SPATA17: variants seen among roughly 807,000 people sequenced by gnomAD.
SPATA17 encodes the protein spermatogenesis-associated protein 17.
SPATA17 carries 53 observed loss-of-function variants against 62.2 expected under a neutral mutation model. The observed-to-expected ratio is 0.85, with a 90% CI of 0.68 to 1.07. The LOEUF is 1.07. Among genes scored for constraint, SPATA17 ranks in the 50% least tolerant of loss-of-function variants. The pLI, the probability that SPATA17 is intolerant of heterozygous loss-of-function variation, is 0.00. For synonymous variants in SPATA17, 146 were observed against 146.8 expected, an observed-to-expected ratio of 0.99 and a Z score of 0.04; for missense variants, 466 against 425.5, an observed-to-expected ratio of 1.10 and a Z score of -0.84.
intron 9 of SPATA17, among the ~76,000 whole-genome samples, chr1:217,846,149 A>G (rs1300482055): frequency 6.6e-6 from 1 of 152,106 alleles, no homozygotes; most frequent in Non-Finnish European, 1.5e-5. Context: ...TACCATTAAT[A>G]TCCAAGCTCT....
chr1:217,669,129 C>G (rs768866070), intron 4 of SPATA17, 46 bp downstream of exon 4: 15 of 1,535,472 alleles, frequency 9.8e-6, no homozygotes, highest in African/African-American at 1.4e-5. Flanking sequence ...TCAATTGTGC[C>G]CTGAATTCGC....
intron 5 of SPATA17, among the ~76,000 whole-genome samples, chr1:217,690,529 T>C (rs1400171661): frequency 3.4e-5 from 5 of 146,796 alleles, no homozygotes; most frequent in Non-Finnish European, 7.5e-5. Flanking sequence ...AGGGTACATG[T>C]GCACATTGTG....
chr1:217,853,922 C>A (rs1675719223), intron 9 of SPATA17, among the ~76,000 whole-genome samples: 1 of 152,132 alleles, frequency 6.6e-6, no homozygotes, highest in Non-Finnish European at 1.5e-5. Flanking sequence ...AGAAAAACTT[C>A]AGCCAAATTA....
intron 4 of SPATA17, among the ~76,000 whole-genome samples, chr1:217,674,922 A>G (rs1670913842): frequency 6.6e-6 from 1 of 152,144 alleles, no homozygotes; most frequent in African/African-American, 2.4e-5. Context: ...GTAGTATTGG[A>G]AAAGGCAATA....
chr1:217,662,486 A>C (rs553914937), intron 3 of SPATA17, among the ~76,000 whole-genome samples: 3 of 152,164 alleles, frequency 2.0e-5, no homozygotes, highest in Non-Finnish European at 4.4e-5. Context: ...TATTCAAATT[A>C]TAAAAATAAC....
intron 7 of SPATA17, 136 bp from the exon 8 acceptor site, chr1:217,782,038 C>T (rs1376857845): frequency 9.0e-6 from 7 of 774,784 alleles, no homozygotes; most frequent in Non-Finnish European, 1.1e-5. Context: ...TATTCTAACT[C>T]AGCGAAGAAC....
chr1:217,858,872 A>G (rs1675836703), intron 9 of SPATA17, among the ~76,000 whole-genome samples: 1 of 151,752 alleles, frequency 6.6e-6, no homozygotes, highest in Non-Finnish European at 1.5e-5. Flanking sequence ...TACTAAAAAT[A>G]CAAAAATTAG....
chr1:217,797,268 G>C (rs1197074574), intron 8 of SPATA17, among the ~76,000 whole-genome samples: 3 of 82,612 alleles, frequency 3.6e-5, no homozygotes, highest in Non-Finnish European at 4.9e-5. Flanking sequence ...TTTTTTTTTT[G>C]AGATGGAGTC....
chr1:217,639,838 T>C (rs966784619), intron 1 of SPATA17, among the ~76,000 whole-genome samples: 13 of 152,116 alleles, frequency 8.5e-5, no homozygotes, highest in African/African-American at 2.9e-4. Context: ...CCCACATGTA[T>C]GGTCTCTCAA....
intron 3 of SPATA17, among the ~76,000 whole-genome samples, chr1:217,662,682 A>T (rs1670596534): frequency 6.6e-6 from 1 of 152,144 alleles, no homozygotes; most frequent in African/African-American, 2.4e-5. Context: ...AAAAGCCAAC[A>T]ATTTGATCTT....
rs981566143 is a variant in SPATA17, at chr1:217,703,057, G to T, written c.395+19696G>T. Among the ~76,000 whole-genome samples, 4 of 151,706 alleles carry T rather than the reference G, an allele frequency of 2.6e-5. No homozygotes were observed. The South Asian group carries it at 8.3e-4, about 32-fold the overall frequency. Reference sequence around the variant, plus strand: ...TATCTGGCTAATTTTTGTATTTTTAGTAGAAACGGGGCTTCACCATGTTGG... The same window carrying T: ...TATCTGGCTAATTTTTGTATTTTTATTAGAAACGGGGCTTCACCATGTTGG... On this transcript the variant is annotated intron_variant, in intron 5 of 10. Coordinates refer to ENST00000366933, the MANE Select transcript of SPATA17 (RefSeq NM_138796.4).
In SPATA17 at chr1:217,745,960, C is replaced by A. The variant is rs564117533; in HGVS notation, c.519+3862C>A. Reference sequence around the variant, plus strand: ...GAGAACAAAAGACACACATTTCAATCTGAGTGTTGTTAGTAATTTTTACAG... The same window carrying A: ...GAGAACAAAAGACACACATTTCAATATGAGTGTTGTTAGTAATTTTTACAG... On this transcript the variant is annotated intron_variant, in intron 6 of 10. Transcript: ENST00000366933. Among the ~76,000 whole-genome samples, 35 of 152,144 alleles carry A rather than the reference C, an allele frequency of 2.3e-4. 1 individual carries two copies. The East Asian group carries it at 5.4e-3, about 23-fold the overall frequency.
intron 3 of SPATA17, among the ~76,000 whole-genome samples, chr1:217,654,815 C>A (rs1223208320): frequency 2.7e-5 from 4 of 150,900 alleles, no homozygotes; most frequent in African/African-American, 9.8e-5. Flanking sequence ...CGGGTTCAAG[C>A]GATTCTCCTG....
intron 1 of SPATA17, among the ~76,000 whole-genome samples, chr1:217,638,784 A>G (rs1669994219): frequency 6.6e-6 from 1 of 152,174 alleles, no homozygotes; most frequent in African/African-American, 2.4e-5. Flanking sequence ...ACTAGAGGAA[A>G]AAAATACTGT....
At chr1:217,841,550 C>T (rs1196131906) in intron 9 of SPATA17, among the ~76,000 whole-genome samples, 1 of 151,908 alleles carries the variant, frequency 6.6e-6, no homozygotes. Flanking sequence ...TTCATTTCTT[C>T]TAGAGCCTTA....
chr1:217,722,933 C>T (rs991468783), intron 5 of SPATA17, among the ~76,000 whole-genome samples: 4 of 152,084 alleles, frequency 2.6e-5, no homozygotes, highest in East Asian at 3.9e-4. Flanking sequence ...CCAGTCATTG[C>T]GCACACTCAT....
rs578020832 is a variant in SPATA17 at position 217,755,890 on chromosome 1, C to T, written c.519+13792C>T. On this transcript the variant is annotated intron_variant, in intron 6 of 10. Coordinates refer to ENST00000366933, the MANE Select transcript of SPATA17 (RefSeq NM_138796.4). ...TTTATATATCTATACCAAAATCAAC[C>T]TCGTTTGCTATTATTTGAGTATTAA... Among the ~76,000 whole-genome samples the T allele has an allele frequency of 3.3e-5, 5 of 151,956 alleles. No individual in the cohort carries two copies. The East Asian group carries it at 7.7e-4, about 24-fold the overall frequency.
chr1:217,819,366 C>CT (rs1346347265), intron 9 of SPATA17, among the ~76,000 whole-genome samples: 11 of 151,346 alleles, frequency 7.3e-5, no homozygotes, highest in African/African-American at 1.5e-4. Flanking sequence ...CTGCAGGATC[C>CT]TTTTTTTTCC....
At position 217,723,933 on chromosome 1, in the gene SPATA17, T is replaced by G. The variant is rs188612044; in HGVS notation, c.396-18042T>G. On this transcript the variant is annotated intron_variant, in intron 5 of 10. Coordinates refer to ENST00000366933, the MANE Select transcript of SPATA17 (RefSeq NM_138796.4). ...GTCCTGCCAAGCTCAGCATGTCTGC[T>G]GCCACCCCTGTCCTCTGAAGGGACA... Among the ~76,000 whole-genome samples, 267 of 152,364 alleles carry G rather than the reference T, an allele frequency of 1.8e-3. 3 individuals carry two copies. Among genetic ancestry groups the G allele is most frequent in the Admixed American group, 0.015 (225 of 15,304 alleles).
Sources: allele counts gnomAD v4.1 joint callset (sites outside exome capture counted in the v4.1 genomes callset), GRCh38; gene constraint gnomAD v4.1.1; transcripts MANE v1.5; gene names NCBI Gene and HGNC (gene_info 2026-07-23, HGNC 2026-07-21).